CADPS2: variants seen among roughly 807,000 people sequenced by gnomAD.
CADPS2 encodes the protein calcium-dependent secretion activator 2.
CADPS2 carries 93 observed loss-of-function variants against 172.5 expected under a neutral mutation model. The ratio of observed to expected loss-of-function variants is 0.54; its 90% CI spans 0.46 to 0.64. The LOEUF (loss-of-function observed/expected upper bound fraction) is 0.64. Among genes scored for constraint, CADPS2 ranks in the 30% least tolerant of loss-of-function variants. The probability of loss-of-function intolerance (pLI) is 0.00; values close to 1 mark genes in which losing one functional copy is unlikely to be tolerated. For missense variants in CADPS2, 1,420 were observed against 1,565.9 expected (o/e 0.91, Z 1.57); for synonymous variants, 546 against 555.2 (o/e 0.98, Z 0.23).
At chr7:122,456,558 T>C (rs529646998) in intron 14 of CADPS2, among the ~76,000 whole-genome samples, 83 of 152,334 alleles carry the variant, frequency 5.4e-4, no homozygotes, top group African/African-American at 1.9e-3. Context: ...AAAAAAGTTA[T>C]GACATAAAAC....
At chr7:122,584,447 C>T (rs1011749403) in intron 6 of CADPS2, among the ~76,000 whole-genome samples, 1 of 151,810 alleles carries the variant, frequency 6.6e-6, no homozygotes, top group Non-Finnish European at 1.5e-5. Flanking sequence ...CTTCTTCATT[C>T]TTAATGTTTT....
intron 2 of CADPS2, chr7:122,702,311 G>A (rs201973741): frequency 7.5e-5 from 121 of 1,613,598 alleles, no homozygotes; most frequent in Middle Eastern, 5.0e-4. Flanking sequence ...TATATTTTCC[G>A]TCCCCTGGTG....
chr7:122,828,536 G>A (rs186514507), intron 1 of CADPS2, among the ~76,000 whole-genome samples: 75 of 152,034 alleles, frequency 4.9e-4, no homozygotes, highest in Admixed American at 1.0e-3. Context: ...GTATTATATG[G>A]CACTACAATT....
chr7:122,378,622 T>G (rs1410266792), intron 25 of CADPS2: 1 of 152,104 alleles, frequency 6.6e-6, no homozygotes, highest in African/African-American at 2.4e-5. Context: ...TGAAGAAGCC[T>G]GATTTGGGGC....
rs1265171341 is a variant in CADPS2, at chr7:122,388,765, C to T, written c.3009-27G>A. The T allele has an allele frequency of 3.8e-6, 6 of 1,575,258 alleles. No individual in the cohort carries two copies. The African/African-American group carries it at 6.8e-5, about 18-fold the overall frequency. The stretch of plus-strand genomic sequence containing the variant: ...TAGAAGAAAAAGGAAAAATGAACAT[C>T]ATGAACTCCCCGTTAATTAGGTATA... On this transcript the variant is annotated intron_variant, in intron 22 of 29. Transcript: ENST00000449022.
At chr7:122,327,599 GT>G in intron 28 of CADPS2, among the ~76,000 whole-genome samples, 1 of 151,996 alleles carries the variant, frequency 6.6e-6, no homozygotes, top group African/African-American at 2.4e-5. Flanking sequence ...GCATCTTTAT[GT>G]TCTTGAAAAT....
In CADPS2 at chr7:122,603,116, CAACT is replaced by C. The variant is rs1441133988; in HGVS notation, c.1223+12061_1223+12064del. Among the ~76,000 whole-genome samples the C allele has an allele frequency of 5.3e-5, 8 of 152,146 alleles. No individual in the cohort carries two copies. In the East Asian group the frequency reaches 1.2e-3, roughly 22 times the overall value. Reference sequence around the variant, plus strand: ...ACCAATGTTGATAGAGAATATATGACAACTAACAAGTCTTTTCCCTTCATAACTG... The same window carrying C: ...ACCAATGTTGATAGAGAATATATGACAACAAGTCTTTTCCCTTCATAACTG... On this transcript the variant is annotated intron_variant, in intron 6 of 29. Coordinates refer to ENST00000449022, the MANE Select transcript of CADPS2 (RefSeq NM_017954.11).
intron 1 of CADPS2, among the ~76,000 whole-genome samples, chr7:122,812,980 C>CA (rs1048353274): frequency 6.6e-6 from 1 of 152,126 alleles, no homozygotes; most frequent in African/African-American, 2.4e-5. Flanking sequence ...CCTTGGACCC[C>CA]AAAATCTAGT....
chr7:122,716,782 G>C (rs776203943), intron 2 of CADPS2, among the ~76,000 whole-genome samples: 1 of 152,058 alleles, frequency 6.6e-6, no homozygotes, highest in Non-Finnish European at 1.5e-5. Context: ...GGTAGAGTGC[G>C]ACCAAGGGGC....
chr7:122,348,131 T>C (rs1182295589), intron 27 of CADPS2, among the ~76,000 whole-genome samples: 1 of 152,192 alleles, frequency 6.6e-6, no homozygotes, highest in East Asian at 1.9e-4. Context: ...CATTTTTGTT[T>C]CCATCTTTTA....
At chr7:122,840,529 T>A (rs914263326) in intron 1 of CADPS2, among the ~76,000 whole-genome samples, 1 of 145,520 alleles carries the variant, frequency 6.9e-6, no homozygotes, top group Admixed American at 7.1e-5. Flanking sequence ...TATTTTTTAA[T>A]TAAACACTTT....
chr7:122,826,834 T>G (rs928281719), intron 1 of CADPS2, among the ~76,000 whole-genome samples: 4 of 150,546 alleles, frequency 2.7e-5, no homozygotes, highest in Admixed American at 2.6e-4. Flanking sequence ...ATGCATAGAT[T>G]AGAAAAAAAA....
At chr7:122,529,599 G>GA (rs1184027126) in intron 8 of CADPS2, among the ~76,000 whole-genome samples, 1 of 152,030 alleles carries the variant, frequency 6.6e-6, no homozygotes, top group African/African-American at 2.4e-5. Flanking sequence ...GGAATGGGAG[G>GA]AAAATCAGCC....
intron 3 of CADPS2, among the ~76,000 whole-genome samples, chr7:122,635,168 T>C (rs1039757972): frequency 2.6e-5 from 4 of 152,174 alleles, no homozygotes; most frequent in Admixed American, 2.6e-4. Context: ...TAGGTCCAAT[T>C]GGTTAAGTGT....
At chr7:122,585,572 C>A (rs147382543) in intron 6 of CADPS2, 1 of 151,462 alleles carries the variant, frequency 6.6e-6, no homozygotes, top group South Asian at 2.1e-4. Context: ...TAAACCCTGT[C>A]GGTAATTAAT....
chr7:122,574,068 C>T (rs1042882749), intron 7 of CADPS2, among the ~76,000 whole-genome samples: 9 of 151,764 alleles, frequency 5.9e-5, no homozygotes, highest in Non-Finnish European at 1.2e-4. Flanking sequence ...GGCACTGACA[C>T]GGTATTTTTG....
rs1562956885 is a variant in CADPS2 at position 122,762,012 on chromosome 7, A to AT, written c.340-24945_340-24944insA. Among the ~76,000 whole-genome samples the AT allele has an allele frequency of 2.4e-4, 23 of 95,220 alleles. 1 individual carries two copies. In the South Asian group the frequency reaches 2.9e-3, roughly 12 times the overall value. 62.5% of individuals were successfully genotyped at this position (95,220 alleles called of 152,430 possible). A position where few individuals can be genotyped will look rare whatever the true frequency, so the allele number is the denominator to read the frequency against. ...ACTCTGCCTCAAAAAAAAAAAAAAA[A>AT]AATATATATATATATATACACACAC... On this transcript the variant is annotated intron_variant, in intron 1 of 29. Coordinates refer to ENST00000449022, the MANE Select transcript of CADPS2 (RefSeq NM_017954.11).
At chr7:122,759,854 G>A (rs1171463271) in intron 1 of CADPS2, among the ~76,000 whole-genome samples, 1 of 151,944 alleles carries the variant, frequency 6.6e-6, no homozygotes, top group Non-Finnish European at 1.5e-5. Context: ...GCTAGCAAAG[G>A]AAGAAGCAAA....
intron 1 of CADPS2, among the ~76,000 whole-genome samples, chr7:122,762,445 T>A (rs988779363): frequency 6.6e-6 from 1 of 152,142 alleles, no homozygotes; most frequent in African/African-American, 2.4e-5. Flanking sequence ...AAGCAAATCA[T>A]TGTAATACAA....
Sources: allele counts gnomAD v4.1 joint callset (sites outside exome capture counted in the v4.1 genomes callset), GRCh38; gene constraint gnomAD v4.1.1; transcripts MANE v1.5; gene names NCBI Gene and HGNC (gene_info 2026-07-23, HGNC 2026-07-21).